The following WDFY2 variants were observed in gnomAD, a reference collection of about 807,000 sequenced individuals.
WDFY2 encodes WD repeat and FYVE domain-containing protein 2.
Under a neutral mutation model 56.4 loss-of-function variants are expected in WDFY2, and 36 were observed. The observed-to-expected ratio is 0.64, with a 90% CI of 0.49 to 0.84. The LOEUF (loss-of-function observed/expected upper bound fraction) is 0.84, where lower values mean the gene tolerates loss of function less well. Among genes scored for constraint, WDFY2 ranks in the 40% least tolerant of loss-of-function variants. The pLI, the probability that WDFY2 is intolerant of heterozygous loss-of-function variation, is 0.00. For synonymous variants in WDFY2, 176 were observed against 183.7 expected, an observed-to-expected ratio of 0.96 and a Z score of 0.34; for missense variants, 444 against 512.2, an observed-to-expected ratio of 0.87 and a Z score of 1.29.
At chr13:51,698,494 A>G (rs549721378) in intron 3 of WDFY2, among the ~76,000 whole-genome samples, 2 of 152,358 alleles carry the variant, frequency 1.3e-5, no homozygotes, top group South Asian at 4.1e-4. Context: ...ATTCCAGATA[A>G]AACTAAAATA....
intron 7 of WDFY2, among the ~76,000 whole-genome samples, chr13:51,745,973 CTTTTTTTTTTT>C (rs59572351): frequency 9.9e-6 from 1 of 100,760 alleles, no homozygotes; most frequent in Non-Finnish European, 1.9e-5. Flanking sequence ...TTTTCTTTTT[CTTTTTTTTTTT>C]TTTTTTTTTT....
rs775830656 is a variant in WDFY2, at chr13:51,660,676, ATCGCTG to A, written c.205+16_205+21del. ...CATGCAATGCCTTGTAAGTATCCAA[ATCGCTG>A]TCTTGAAAAACCAGACATGTCCTTC... is the stretch of plus-strand genomic sequence containing the variant. On this transcript the variant is annotated intron_variant, in intron 2 of 11. Coordinates refer to ENST00000298125, the MANE Select transcript of WDFY2 (RefSeq NM_052950.4). 3.1e-6 allele frequency: 5 copies of A among 1,612,888 alleles called. No individual in the cohort carries two copies. In the Admixed American group the frequency reaches 8.3e-5, roughly 27 times the overall value.
chr13:51,717,539 G>T (rs1952384255), intron 4 of WDFY2, among the ~76,000 whole-genome samples: 1 of 151,952 alleles, frequency 6.6e-6, no homozygotes, highest in Non-Finnish European at 1.5e-5. Context: ...TAGATAGAAG[G>T]CTAAAGGCCC....
chr13:51,725,181 C>A (rs554684674), intron 5 of WDFY2, among the ~76,000 whole-genome samples: 37 of 152,262 alleles, frequency 2.4e-4, no homozygotes, highest in Admixed American at 2.3e-3. Flanking sequence ...AAAACATTGG[C>A]ATAGTTCCTC....
chr13:51,745,530 T>C (rs1285575956), intron 7 of WDFY2, among the ~76,000 whole-genome samples: 1 of 151,654 alleles, frequency 6.6e-6, no homozygotes, highest in Non-Finnish European at 1.5e-5. Flanking sequence ...TCTTTAAGAG[T>C]TGTAAATAGA....
At chr13:51,679,307 T>G (rs942768384) in intron 3 of WDFY2, among the ~76,000 whole-genome samples, 5 of 152,320 alleles carry the variant, frequency 3.3e-5, no homozygotes, top group Admixed American at 1.3e-4. Context: ...TGGAGAGAGA[T>G]ATATATATCT....
chr13:51,737,368 C>T (rs1238831990), intron 6 of WDFY2, among the ~76,000 whole-genome samples: 1 of 151,674 alleles, frequency 6.6e-6, no homozygotes, highest in Non-Finnish European at 1.5e-5. Context: ...AGAACAAAGC[C>T]AAGGGCATTT....
intron 1 of WDFY2, among the ~76,000 whole-genome samples, chr13:51,659,048 T>C (rs1955564174): frequency 6.6e-6 from 1 of 152,082 alleles, no homozygotes; most frequent in Non-Finnish European, 1.5e-5. Flanking sequence ...TGCCTTAACC[T>C]CCTGAGTAGC....
chr13:51,645,559 A>G (rs956313329), intron 1 of WDFY2, among the ~76,000 whole-genome samples: 1 of 152,090 alleles, frequency 6.6e-6, no homozygotes, highest in Non-Finnish European at 1.5e-5. Context: ...AAAATGACCT[A>G]TATAGATAGT....
intron 3 of WDFY2, among the ~76,000 whole-genome samples, chr13:51,680,565 G>A (rs1457179144): frequency 2.0e-5 from 3 of 152,174 alleles, no homozygotes; most frequent in African/African-American, 7.2e-5. Flanking sequence ...GTTTAACTCA[G>A]TACATCTGGT....
At chr13:51,758,385 C>T in intron 11 of WDFY2, 85 bp downstream of exon 11, 1 of 1,014,212 alleles carries the variant, frequency 9.9e-7, no homozygotes. Flanking sequence ...AGGCACTGTT[C>T]TAAAGGTTAT....
chr13:51,640,089 G>C (rs1159681504), intron 1 of WDFY2, among the ~76,000 whole-genome samples: 1 of 152,130 alleles, frequency 6.6e-6, no homozygotes, highest in Non-Finnish European at 1.5e-5. Context: ...TTGTTATCTA[G>C]AGATAAAGTG....
chr13:51,736,639 C>T (rs112134577), intron 6 of WDFY2, among the ~76,000 whole-genome samples: 5 of 152,124 alleles, frequency 3.3e-5, no homozygotes, highest in South Asian at 2.1e-4. Flanking sequence ...ACTACAGGTG[C>T]GCGCCACCAC....
intron 1 of WDFY2, chr13:51,589,422 G>A (rs138938837): frequency 6.1e-4 from 92 of 151,924 alleles, no homozygotes; most frequent in African/African-American, 2.1e-3. Context: ...CTACTTGACT[G>A]TTTCCTGAAA....
chr13:51,637,230 A>C (rs1955071045), intron 1 of WDFY2, among the ~76,000 whole-genome samples: 1 of 152,202 alleles, frequency 6.6e-6, no homozygotes, highest in Non-Finnish European at 1.5e-5. Flanking sequence ...TTCATGCAAA[A>C]GGTTTTACCA....
In WDFY2 at chr13:51,660,584, C is replaced by T. The variant is rs1339754455; in HGVS notation, c.138-12C>T. 2.5e-6 allele frequency: 4 copies of T among 1,612,270 alleles called. No homozygotes were observed. Among genetic ancestry groups the T allele is most frequent in the Non-Finnish European group, 2.5e-6 (3 of 1,178,614 alleles). ...TAATGTGATTTCATGTACATATTTT[C>T]TTCTGTTGTAGGACAGTTCGTGTTT... is the stretch of plus-strand genomic sequence containing the variant. On this transcript the variant is annotated splice_polypyrimidine_tract_variant and intron_variant, in intron 1 of 11. Coordinates refer to ENST00000298125, the MANE Select transcript of WDFY2 (RefSeq NM_052950.4).
At chr13:51,667,879 CTTTTTTTTTTTTTT>C (rs66771214) in intron 2 of WDFY2, among the ~76,000 whole-genome samples, 17 of 50,048 alleles carry the variant, frequency 3.4e-4, no homozygotes, top group Admixed American at 2.8e-3. Context: ...TGAGGAACTT[CTTTTTTTTTTTTTT>C]TTTTTTTTTT....
At chr13:51,748,265 A>G (rs1953150029) in intron 7 of WDFY2, among the ~76,000 whole-genome samples, 1 of 152,198 alleles carries the variant, frequency 6.6e-6, no homozygotes, top group Non-Finnish European at 1.5e-5. Flanking sequence ...AACTCTAGCC[A>G]GTGGGGACTG....
intron 1 of WDFY2, among the ~76,000 whole-genome samples, chr13:51,627,675 T>C (rs1954863404): frequency 6.6e-6 from 1 of 152,122 alleles, no homozygotes; most frequent in Non-Finnish European, 1.5e-5. Context: ...TGAGCCACCA[T>C]GCCCAGCTGG....
Sources: allele counts gnomAD v4.1 joint callset (sites outside exome capture counted in the v4.1 genomes callset), GRCh38; gene constraint gnomAD v4.1.1; transcripts MANE v1.5; gene names NCBI Gene and HGNC (gene_info 2026-07-23, HGNC 2026-07-21).